GUCY1A1: variants seen among roughly 807,000 people sequenced by gnomAD.
GUCY1A1 encodes guanylate cyclase soluble subunit alpha-1.
Under a neutral mutation model 64.5 loss-of-function variants are expected in GUCY1A1, and 48 were observed. The ratio of observed to expected loss-of-function variants is 0.74; its 90% CI spans 0.59 to 0.95. The LOEUF is 0.95. Ranked by LOEUF, GUCY1A1 falls within the 40% of genes least tolerant of loss-of-function variation. The probability of loss-of-function intolerance (pLI) is 0.00; values close to 1 mark genes in which losing one functional copy is unlikely to be tolerated. For synonymous variants in GUCY1A1, 308 were observed against 303.4 expected (o/e 1.02, Z -0.16); for missense variants, 804 against 825.3 (o/e 0.97, Z 0.32).
At chr4:155,704,069 G>A (rs548211530) in intron 4 of GUCY1A1, 76 bp downstream of exon 4, 47 of 815,160 alleles carry the variant, frequency 5.8e-5, no homozygotes, top group Non-Finnish European at 9.5e-5. Flanking sequence ...AGCAGTTACT[G>A]AATGTGTCAG....
Position 155,697,475 on chromosome 4 carries a change from T to C in GUCY1A1, c.255+353T>C, listed in dbSNP as rs574880192. Among the ~76,000 whole-genome samples the C allele has an allele frequency of 4.3e-4, 66 of 152,320 alleles. 1 individual carries two copies. The South Asian group carries it at 0.013, about 30-fold the overall frequency. On this transcript the variant is annotated intron_variant, in intron 3 of 9. Coordinates refer to ENST00000506455, the MANE Select transcript of GUCY1A1 (RefSeq NM_001130682.3). Reference sequence around the variant, plus strand: ...TTTTAATGAGTTTTAAGTGAAACCATCCATAGCTCTTGCCATAACATAAGT... The same window carrying C: ...TTTTAATGAGTTTTAAGTGAAACCACCCATAGCTCTTGCCATAACATAAGT...
rs1014633120 is a variant in GUCY1A1, at chr4:155,676,911, G to A, written c.-113+9492G>A. On this transcript the variant is annotated intron_variant, in intron 2 of 9. Transcript: ENST00000506455. ...CTACAAAGCTCACCTTAAGTGTCAC[G>A]TTTTCAGGGACATGTTTACCAATGT... 2.6e-5 allele frequency among the ~76,000 whole-genome samples: 4 copies of A among 151,276 alleles called. No individual in the cohort carries two copies. The East Asian group carries it at 5.8e-4, about 22-fold the overall frequency.
At chr4:155,672,727 G>A (rs370865956) in intron 2 of GUCY1A1, among the ~76,000 whole-genome samples, 23 of 152,222 alleles carry the variant, frequency 1.5e-4, no homozygotes, top group Middle Eastern at 3.4e-3. Flanking sequence ...CTAAATTATA[G>A]CTGATGGAAT....
At chr4:155,707,603 G>GT (rs1355030314) in intron 4 of GUCY1A1, among the ~76,000 whole-genome samples, 1 of 140,416 alleles carries the variant, frequency 7.1e-6, no homozygotes. Flanking sequence ...CGATATAAAG[G>GT]TAAAAAAAAA....
intron 5 of GUCY1A1, 126 bp downstream of exon 5, chr4:155,708,420 G>T: frequency 1.8e-6 from 1 of 565,264 alleles, no homozygotes; most frequent in Non-Finnish European, 3.3e-6. Flanking sequence ...TATGTATTCT[G>T]TTAACGTAAA....
At chr4:155,669,195 C>T (rs1219789422) in intron 2 of GUCY1A1, among the ~76,000 whole-genome samples, 3 of 151,878 alleles carry the variant, frequency 2.0e-5, no homozygotes, top group African/African-American at 7.3e-5. Flanking sequence ...GGTCTGTGAA[C>T]GTATTTAGTA....
chr4:155,721,285 C>T (rs1262822507), intron 8 of GUCY1A1, among the ~76,000 whole-genome samples: 1 of 151,970 alleles, frequency 6.6e-6, no homozygotes, highest in Non-Finnish European at 1.5e-5. Context: ...TAAAATAAAA[C>T]ATTCTGTCTC....
intron 2 of GUCY1A1, among the ~76,000 whole-genome samples, chr4:155,686,349 C>A (rs1019890258): frequency 6.6e-6 from 1 of 151,864 alleles, no homozygotes; most frequent in Non-Finnish European, 1.5e-5. Context: ...GGCGTGGTGG[C>A]GTGCGCCTGT....
Position 155,708,325 on chromosome 4 carries a change from A to G in GUCY1A1, c.376+31A>G, listed in dbSNP as rs756619167. 5.2e-6 allele frequency: 6 copies of G among 1,160,768 alleles called. No individual in the cohort carries two copies. The South Asian group carries it at 6.2e-5, about 12-fold the overall frequency. 71.9% of individuals were successfully genotyped at this position (1,160,768 alleles called of 1,614,324 possible). Reference sequence around the variant, plus strand: ...AGAATTGTTTATGTAATTAGAAAGTATGCCATATACCTGTAGAACTCACAT... The same window carrying G: ...AGAATTGTTTATGTAATTAGAAAGTGTGCCATATACCTGTAGAACTCACAT... On this transcript the variant is annotated intron_variant, in intron 5 of 9. Transcript: ENST00000506455.
intron 2 of GUCY1A1, among the ~76,000 whole-genome samples, chr4:155,675,364 C>T (rs966114873): frequency 6.6e-6 from 1 of 151,388 alleles, no homozygotes; most frequent in African/African-American, 2.5e-5. Flanking sequence ...TAGAGAGTTA[C>T]AAATGTAGCA....
chr4:155,710,568 T>A lies in GUCY1A1; in HGVS notation c.403T>A (p.Ser135Thr). 6.2e-7 allele frequency: 1 copy of A among 1,605,482 alleles called. No homozygotes were observed. Among genetic ancestry groups the A allele is most frequent in the Non-Finnish European group, 8.5e-7 (1 of 1,174,718 alleles). ...AGTTCCAGTGGAGGTTATCAAAGAA[T>A]CTCTTGGTGAAGAGGTTTTTAAAAT... The part of the protein sequence containing the change: ...AGVPVEVIKE[S>T]LGEEVFKICY... The change falls in exon 6 of 10, where the codon TCT (serine) becomes ACT (threonine). Residue 135 changes from serine (S) to threonine (T), a missense_variant. Physicochemically the swap from Ser to Thr is moderately conservative, Grantham distance 58. Transcript: ENST00000506455.
chr4:155,695,036 A>C (rs1374524463), intron 2 of GUCY1A1, among the ~76,000 whole-genome samples: 1 of 152,214 alleles, frequency 6.6e-6, no homozygotes, highest in Admixed American at 6.5e-5. Flanking sequence ...TTTTCTACTC[A>C]TAAATGCATA....
intron 2 of GUCY1A1, among the ~76,000 whole-genome samples, chr4:155,679,878 T>G (rs545092651): frequency 6.6e-6 from 1 of 152,342 alleles, no homozygotes; most frequent in African/African-American, 2.4e-5. Context: ...TTGACACCTT[T>G]GTTGTAAACA....
intron 2 of GUCY1A1, among the ~76,000 whole-genome samples, chr4:155,686,772 A>G (rs1041222307): frequency 6.6e-6 from 1 of 152,208 alleles, no homozygotes; most frequent in Non-Finnish European, 1.5e-5. Flanking sequence ...ACGAGTAGAA[A>G]ATGAGGTTTA....
chr4:155,695,499 A>G (rs1476165990), intron 2 of GUCY1A1, among the ~76,000 whole-genome samples: 2 of 152,210 alleles, frequency 1.3e-5, no homozygotes, highest in Non-Finnish European at 2.9e-5. Flanking sequence ...GAAGATAAAA[A>G]TCTAAGTTGA....
chr4:155,678,616 C>T (rs1252602404), intron 2 of GUCY1A1, among the ~76,000 whole-genome samples: 1 of 152,048 alleles, frequency 6.6e-6, no homozygotes, highest in Non-Finnish European at 1.5e-5. Context: ...ATAATGGAAC[C>T]GGTATTTGTA....
intron 6 of GUCY1A1, among the ~76,000 whole-genome samples, chr4:155,712,464 A>T (rs1190880756): frequency 6.6e-6 from 1 of 152,228 alleles, no homozygotes; most frequent in Non-Finnish European, 1.5e-5. Context: ...CTGCAAGAAC[A>T]CACATGCACA....
intron 2 of GUCY1A1, among the ~76,000 whole-genome samples, chr4:155,692,549 G>A (rs908779126): frequency 6.6e-6 from 1 of 152,136 alleles, no homozygotes; most frequent in Non-Finnish European, 1.5e-5. Flanking sequence ...TCTCTAATGA[G>A]CAGTGATGTT....
At chr4:155,674,823 A>G (rs1240798767) in intron 2 of GUCY1A1, among the ~76,000 whole-genome samples, 1 of 151,704 alleles carries the variant, frequency 6.6e-6, no homozygotes, top group African/African-American at 2.4e-5. Context: ...TAAAATAACA[A>G]TAAAAGGCAT....
Sources: gnomAD v4.1 joint callset for allele counts (sites outside exome capture counted in the v4.1 genomes callset) on GRCh38, gnomAD v4.1.1 for gene constraint, MANE v1.5 for transcripts, NCBI Gene and HGNC (gene_info 2026-07-23, HGNC 2026-07-21) for gene names.